Variants in RBMS3 observed in about 807,000 individuals in gnomAD.
The protein encoded by RBMS3 is RNA-binding motif, single-stranded-interacting protein 3.
In RBMS3, 27 loss-of-function variants were observed where a neutral mutation model predicts 66.8. The observed-to-expected ratio is 0.40, with a 90% confidence interval of 0.30 to 0.56. The LOEUF is 0.56. Ranked by LOEUF, RBMS3 falls within the 20% of genes least tolerant of loss-of-function variation. RBMS3 has a pLI of 0.40. For synonymous variants in RBMS3, 188 were observed against 183.0 expected, an observed-to-expected ratio of 1.03 and a Z score of -0.22; for missense variants, 513 against 549.5, an observed-to-expected ratio of 0.93 and a Z score of 0.66.
intron 1 of RBMS3, among the ~76,000 whole-genome samples, chr3:29,372,260 G>A (rs558959200): frequency 1.8e-4 from 27 of 152,178 alleles, no homozygotes; most frequent in Non-Finnish European, 3.2e-4. Flanking sequence ...AACCCGGGTC[G>A]TGGAGGCTGC....
chr3:29,676,820 CA>C (rs1376253685), intron 4 of RBMS3, among the ~76,000 whole-genome samples: 2 of 152,080 alleles, frequency 1.3e-5, no homozygotes, highest in African/African-American at 2.4e-5. Flanking sequence ...TTTTCCCCTT[CA>C]AAACTAATTG....
At chr3:29,831,871 T>TA (rs1037246244) in intron 6 of RBMS3, among the ~76,000 whole-genome samples, 4 of 122,404 alleles carry the variant, frequency 3.3e-5, no homozygotes, top group Admixed American at 7.8e-5. Flanking sequence ...TTACCTTAAA[T>TA]AAAAAAAAAT....
intron 14 of RBMS3, among the ~76,000 whole-genome samples, chr3:29,998,768 A>C (rs1468377684): frequency 6.6e-6 from 1 of 152,108 alleles, no homozygotes; most frequent in African/African-American, 2.4e-5. Context: ...AATTAATTCA[A>C]GATGGATGGA....
intron 1 of RBMS3, among the ~76,000 whole-genome samples, chr3:29,331,815 CTTTTTTT>C (rs11354452): frequency 2.9e-5 from 2 of 69,696 alleles, no homozygotes; most frequent in African/African-American, 6.2e-5. Flanking sequence ...AGGATAGCTC[CTTTTTTT>C]TTTTTTTTTT....
intron 3 of RBMS3, among the ~76,000 whole-genome samples, chr3:29,562,685 G>A (rs2046598647): frequency 6.6e-6 from 1 of 152,104 alleles, no homozygotes; most frequent in Non-Finnish European, 1.5e-5. Flanking sequence ...GTTGTTAATT[G>A]CCTTCAGGGA....
Position 30,008,756 on chromosome 3 carries a change from T to G in RBMS3, c.*4894T>G, listed in dbSNP as rs1017645675. The stretch of plus-strand genomic sequence containing the variant: ...GGAAGACAGTTGGGTCTGACTCAAG[T>G]TTAACATTTCTTACCAAACATTCTT... On this transcript the variant is annotated 3_prime_UTR_variant, in exon 15 of 15. Coordinates refer to ENST00000383767, the MANE Select transcript of RBMS3 (RefSeq NM_001003793.3). The G allele has an allele frequency of 6.6e-6, 1 of 152,102 alleles. No homozygotes were observed. Among genetic ancestry groups the G allele is most frequent in the Non-Finnish European group, 1.5e-5 (1 of 67,980 alleles). 9.4% of individuals were successfully genotyped at this position (152,102 alleles called of 1,614,324 possible).
intron 1 of RBMS3, among the ~76,000 whole-genome samples, chr3:29,390,285 GT>G (rs1559541638): frequency 6.6e-6 from 1 of 152,020 alleles, no homozygotes; most frequent in Non-Finnish European, 1.5e-5. Context: ...AAATGTTATT[GT>G]TCTAAAATAA....
chr3:29,580,577 G>C (rs943417462), intron 3 of RBMS3, among the ~76,000 whole-genome samples: 6 of 151,352 alleles, frequency 4.0e-5, no homozygotes, highest in Admixed American at 4.0e-4. Flanking sequence ...AACTCTACTA[G>C]ACAATAAACT....
chr3:29,399,728 A>G (rs758633013), intron 1 of RBMS3, among the ~76,000 whole-genome samples: 4 of 152,180 alleles, frequency 2.6e-5, no homozygotes, highest in Non-Finnish European at 5.9e-5. Context: ...TTTTAACCCA[A>G]TAATATCTGC....
At chr3:29,805,832 A>C (rs2057529648) in intron 6 of RBMS3, among the ~76,000 whole-genome samples, 1 of 152,020 alleles carries the variant, frequency 6.6e-6, no homozygotes, top group South Asian at 2.1e-4. Context: ...AAGAGAGAAA[A>C]ATATGTTTTA....
chr3:29,813,772 C>T lies in RBMS3; in HGVS notation c.637+50783C>T, dbSNP rs572543897. Among the ~76,000 whole-genome samples the T allele has an allele frequency of 4.5e-3, 690 of 152,108 alleles. 19 individuals are homozygous for T. Among genetic ancestry groups the T allele is most frequent in the Admixed American group, 0.034 (521 of 15,258 alleles). ...GAATGGGAGTTCACTCATGATTTGG[C>T]TCTCTGTTTGTCTGTTGTTGGTGTA... On this transcript the variant is annotated intron_variant, in intron 6 of 14. Transcript: ENST00000383767.
At chr3:29,997,739 TAATA>T (rs1256569585) in intron 14 of RBMS3, among the ~76,000 whole-genome samples, 1 of 151,930 alleles carries the variant, frequency 6.6e-6, no homozygotes, top group Non-Finnish European at 1.5e-5. Flanking sequence ...TAAAAACTCT[TAATA>T]AATTAGGTAT....
At chr3:29,736,192 A>T (rs1019524442) in intron 4 of RBMS3, among the ~76,000 whole-genome samples, 7 of 152,222 alleles carry the variant, frequency 4.6e-5, no homozygotes, top group Non-Finnish European at 1.0e-4. Flanking sequence ...CTAATACTGC[A>T]TTCATTTCAA....
chr3:29,487,486 T>TC, intron 2 of RBMS3, among the ~76,000 whole-genome samples: 1 of 152,296 alleles, frequency 6.6e-6, no homozygotes, highest in East Asian at 1.9e-4. Flanking sequence ...TTTTTGACAG[T>TC]CTAAGTAGTA....
chr3:29,545,877 C>G (rs184822304), intron 3 of RBMS3, among the ~76,000 whole-genome samples: 73 of 152,216 alleles, frequency 4.8e-4, no homozygotes, highest in African/African-American at 1.7e-3. Context: ...ACAGCTATGG[C>G]CATCTCTAGT....
intron 6 of RBMS3, among the ~76,000 whole-genome samples, chr3:29,782,143 C>T (rs532702643): frequency 6.6e-6 from 1 of 152,190 alleles, no homozygotes; most frequent in South Asian, 2.1e-4. Flanking sequence ...AACCAGGTGT[C>T]CCTAGGGCAA....
intron 1 of RBMS3, among the ~76,000 whole-genome samples, chr3:29,327,635 T>C (rs766800355): frequency 1.3e-5 from 2 of 152,216 alleles, no homozygotes; most frequent in South Asian, 2.1e-4. Flanking sequence ...AACTTTGGAG[T>C]AAATACTCAT....
intron 3 of RBMS3, among the ~76,000 whole-genome samples, chr3:29,490,379 A>T (rs1309087207): frequency 6.6e-6 from 1 of 152,146 alleles, no homozygotes; most frequent in East Asian, 1.9e-4. Context: ...GGGGTTCACC[A>T]TGAAAGTTTT....
intron 1 of RBMS3, among the ~76,000 whole-genome samples, chr3:29,432,530 G>C (rs9828244): frequency 0.23 from 34,957 of 152,056 alleles, 4,630 homozygotes; most frequent in Middle Eastern, 0.33. Context: ...GCTAAGTGCT[G>C]TCTTTATTCC....
Sources: gnomAD v4.1 joint callset for allele counts (sites outside exome capture counted in the v4.1 genomes callset) on GRCh38, gnomAD v4.1.1 for gene constraint, MANE v1.5 for transcripts, NCBI Gene and HGNC (gene_info 2026-07-23, HGNC 2026-07-21) for gene names.